Variants in MS4A13 observed in about 807,000 individuals in gnomAD.
The protein encoded by MS4A13 is membrane spanning 4-domains A13.
MS4A13 carries 21 observed loss-of-function variants against 18.4 expected under a neutral mutation model. The ratio of observed to expected loss-of-function variants is 1.14; its 90% CI spans 0.81 to 1.64. MS4A13 has a LOEUF of 1.64. MS4A13 is among the 40% of genes most tolerant of loss of function. The probability of loss-of-function intolerance (pLI) is 0.00; values close to 1 mark genes in which losing one functional copy is unlikely to be tolerated. For missense variants in MS4A13, 173 were observed against 176.8 expected, an observed-to-expected ratio of 0.98 and a Z score of 0.12; for synonymous variants, 62 against 57.2, an observed-to-expected ratio of 1.08 and a Z score of -0.38.
intron 6 of MS4A13, among the ~76,000 whole-genome samples, chr11:60,539,818 A>AG (rs1236812316): frequency 6.6e-6 from 1 of 152,200 alleles, no homozygotes; most frequent in Non-Finnish European, 1.5e-5. Flanking sequence ...ATTAAAGTGC[A>AG]GGGGGAAAAA....
intron 6 of MS4A13, among the ~76,000 whole-genome samples, chr11:60,538,449 ATATGAGGT>A (rs201664887): frequency 0.014 from 2,118 of 151,936 alleles, 25 homozygotes; most frequent in African/African-American, 0.025. Flanking sequence ...AGTAGTAAGT[ATATGAGGT>A]TATGAATTTG....
chr11:60,526,947 G>A (rs2086717586), intron 5 of MS4A13, among the ~76,000 whole-genome samples: 1 of 152,196 alleles, frequency 6.6e-6, no homozygotes, highest in African/African-American at 2.4e-5. Flanking sequence ...TGTGAGAAAT[G>A]AAGAAAATGC....
intron 3 of MS4A13, among the ~76,000 whole-genome samples, chr11:60,522,860 C>T (rs567142910): frequency 2.6e-5 from 4 of 152,206 alleles, no homozygotes; most frequent in Non-Finnish European, 5.9e-5. Context: ...ATGCATTTTC[C>T]TTAGTGTTTG....
At chr11:60,519,831 T>C (rs757690228) in intron 3 of MS4A13, among the ~76,000 whole-genome samples, 8 of 152,080 alleles carry the variant, frequency 5.3e-5, no homozygotes, top group Non-Finnish European at 1.2e-4. Context: ...TAACAGAGAG[T>C]TGAAGTTCTC....
intron 5 of MS4A13, 45 bp downstream of exon 5, chr11:60,525,371 C>CT: frequency 7.5e-7 from 1 of 1,335,698 alleles, no homozygotes; most frequent in African/African-American, 1.5e-5. Context: ...TAAAATTATT[C>CT]TTTTTAATAA....
At chr11:60,522,524 G>A (rs184143378) in intron 3 of MS4A13, among the ~76,000 whole-genome samples, 2 of 152,174 alleles carry the variant, frequency 1.3e-5, no homozygotes, top group East Asian at 3.9e-4. Context: ...GATGGAATGA[G>A]GGCTGTAGGA....
intron 6 of MS4A13, among the ~76,000 whole-genome samples, chr11:60,532,638 A>G (rs562068820): frequency 6.6e-6 from 1 of 151,984 alleles, no homozygotes; most frequent in East Asian, 1.9e-4. Flanking sequence ...TAAACAAAGC[A>G]GCCTGGAAGC....
At chr11:60,528,531 T>G (rs562713027) in intron 5 of MS4A13, among the ~76,000 whole-genome samples, 168 of 152,344 alleles carry the variant, frequency 1.1e-3, no homozygotes, top group African/African-American at 3.8e-3. Context: ...TGTCATTGCA[T>G]TCCTATCATC....
chr11:60,538,526 C>T (rs896083389), intron 6 of MS4A13, among the ~76,000 whole-genome samples: 12 of 150,956 alleles, frequency 7.9e-5, no homozygotes, highest in Non-Finnish European at 1.8e-4. Context: ...CACATTGTAC[C>T]CCATAAATAT....
chr11:60,518,287 G>T, intron 3 of MS4A13, 75 bp downstream of exon 3: 4 of 1,261,000 alleles, frequency 3.2e-6, no homozygotes, highest in Non-Finnish European at 4.3e-6. Context: ...GGTAGGGAAC[G>T]GTTTCTGAAC....
At chr11:60,517,237 A>C (rs1302803353) in intron 2 of MS4A13, among the ~76,000 whole-genome samples, 4 of 152,116 alleles carry the variant, frequency 2.6e-5, no homozygotes, top group Admixed American at 1.3e-4. Flanking sequence ...AGCCAATTGC[A>C]CTTATATATT....
chr11:60,528,763 T>C (rs2086738902), intron 5 of MS4A13, among the ~76,000 whole-genome samples: 1 of 152,224 alleles, frequency 6.6e-6, no homozygotes, highest in Non-Finnish European at 1.5e-5. Flanking sequence ...GGATTTGTAG[T>C]TGAAAATATC....
At position 60,525,084 on chromosome 11, in the gene MS4A13, T is replaced by G; in HGVS notation, c.187-123T>G. 4.7e-6 allele frequency: 3 copies of G among 642,000 alleles called. No individual in the cohort carries two copies. In the East Asian group the frequency reaches 9.4e-5, roughly 20 times the overall value. The allele number at this position is 642,000 out of a possible 1,614,324, so 39.8% of individuals were successfully genotyped here. On this transcript the variant is annotated intron_variant, in intron 4 of 6. Coordinates refer to ENST00000378186, the MANE Select transcript of MS4A13 (RefSeq NM_001012417.3). ...AGAAAAATATTTTCTTAATATTTAA[T>G]ACTTCTAAGACTTCAGAAACTAGAT...
At position 60,527,398 on chromosome 11, in the gene MS4A13, C is replaced by CTG. The variant is rs1565212696; in HGVS notation, c.307-1966_307-1965insGT. 7.5e-3 allele frequency among the ~76,000 whole-genome samples: 698 copies of CTG among 92,794 alleles called. 4 individuals are homozygous for CTG. Among genetic ancestry groups the CTG allele is most frequent in the Non-Finnish European group, 0.011 (537 of 46,938 alleles). The allele number at this position is 92,794 out of a possible 152,430, so 60.9% of individuals were successfully genotyped here. A position where few individuals can be genotyped will look rare whatever the true frequency, so the allele number is the denominator to read the frequency against. On this transcript the variant is annotated intron_variant, in intron 5 of 6. Coordinates refer to ENST00000378186, the MANE Select transcript of MS4A13 (RefSeq NM_001012417.3). The stretch of plus-strand genomic sequence containing the variant: ...TCTCTCTCTCTCTCTCTCTCTCTCT[C>CTG]TCTCTCTCTCTCTGTGTGTGTGTGT...
chr11:60,516,616 A>T (rs2086639220), intron 2 of MS4A13, among the ~76,000 whole-genome samples: 1 of 152,196 alleles, frequency 6.6e-6, no homozygotes, highest in South Asian at 2.1e-4. Context: ...GCATAGAATG[A>T]AAACTCTGAA....
At chr11:60,538,362 C>A (rs975450675) in intron 6 of MS4A13, among the ~76,000 whole-genome samples, 1 of 151,060 alleles carries the variant, frequency 6.6e-6, no homozygotes, top group African/African-American at 2.4e-5. Context: ...AGACTGGGGA[C>A]TATAATAACT....
chr11:60,542,396 T>C (rs984938252), intron 6 of MS4A13, 123 bp from the exon 7 acceptor site: 2 of 507,790 alleles, frequency 3.9e-6, no homozygotes, highest in Non-Finnish European at 6.8e-6. Context: ...AGAAATAGGA[T>C]ACTTTAAGAT....
chr11:60,522,996 C>T (rs1395371300), intron 3 of MS4A13, among the ~76,000 whole-genome samples: 1 of 152,174 alleles, frequency 6.6e-6, no homozygotes, highest in Admixed American at 6.5e-5. Flanking sequence ...TTGTAAAACA[C>T]ATAGTAATCG....
chr11:60,530,916 G>A (rs191381234), intron 6 of MS4A13, among the ~76,000 whole-genome samples: 76 of 106,660 alleles, frequency 7.1e-4, no homozygotes, highest in African/African-American at 2.8e-3. Context: ...TGTGAAAAAG[G>A]TCCTTGCTTC....
Sources: gnomAD v4.1 joint callset for allele counts (sites outside exome capture counted in the v4.1 genomes callset) on GRCh38, gnomAD v4.1.1 for gene constraint, MANE v1.5 for transcripts, NCBI Gene and HGNC (gene_info 2026-07-23, HGNC 2026-07-21) for gene names.